Variants in SLIT2 observed in about 807,000 individuals in gnomAD.
SLIT2 encodes slit guidance ligand 2, also known as slit homolog 2 protein.
Under a neutral mutation model 185.7 loss-of-function variants are expected in SLIT2, and 41 were observed. That is an observed-to-expected ratio of 0.22 (90% CI 0.17 to 0.29). SLIT2 has a LOEUF of 0.29. Ranked by LOEUF, SLIT2 falls within the 10% of genes least tolerant of loss-of-function variation. The probability of loss-of-function intolerance (pLI) is 1.00; values close to 1 mark genes in which losing one functional copy is unlikely to be tolerated. For synonymous variants in SLIT2, 693 were observed against 680.2 expected (o/e 1.02, Z -0.29); for missense variants, 1,571 against 1,909.0 (o/e 0.82, Z 3.30).
chr4:20,359,940 A>G (rs546359134), intron 4 of SLIT2, among the ~76,000 whole-genome samples: 2 of 152,122 alleles, frequency 1.3e-5, no homozygotes, highest in African/African-American at 4.8e-5. Context: ...AATGCATTTT[A>G]GAGAAGATGT....
At position 20,591,734 on chromosome 4, in the gene SLIT2, T is replaced by G. The variant is rs1727534200; in HGVS notation, c.3182+1997T>G. ...CACTTACATAATAAATATCATTTCT[T>G]AGAGAAATTAGCTAGTAAGGAAAGT... On this transcript the variant is annotated intron_variant, in intron 30 of 36. Transcript: ENST00000504154. Among the ~76,000 whole-genome samples, 8 of 151,968 alleles carry G rather than the reference T, an allele frequency of 5.3e-5. 1 individual carries two copies. In the South Asian group the frequency reaches 1.7e-3, roughly 32 times the overall value.
intron 4 of SLIT2, among the ~76,000 whole-genome samples, chr4:20,293,813 C>T (rs529698438): frequency 3.9e-4 from 60 of 152,254 alleles, no homozygotes; most frequent in African/African-American, 1.3e-3. Context: ...TTGCCTGGCC[C>T]GTGGAGAGAG....
rs1467611506 is a variant in SLIT2, at chr4:20,528,409, AT to A, written c.1463-539del. On this transcript the variant is annotated intron_variant, in intron 15 of 36. Transcript: ENST00000504154. This position sits in a 1 kb window ranked among gnomAD's most constrained non-coding sequence, Gnocchi z 4.2. ...AGCATGACAAGCTGCTGAGGCTTAA[AT>A]CAGGATTTTCCTGTCTCTTTCTACA... 3.8e-6 allele frequency: 2 copies of A among 522,502 alleles called. No homozygotes were observed. The highest frequency in any genetic ancestry group is 7.9e-6 in the Non-Finnish European group (2 of 253,276). 32.4% of individuals were successfully genotyped at this position (522,502 alleles called of 1,614,324 possible). A position where few individuals can be genotyped will look rare whatever the true frequency, so the allele number is the denominator to read the frequency against.
chr4:20,441,428 T>C (rs1373874502), intron 4 of SLIT2, among the ~76,000 whole-genome samples: 1 of 151,984 alleles, frequency 6.6e-6, no homozygotes, highest in Non-Finnish European at 1.5e-5. Flanking sequence ...GCCCCCAGTG[T>C]GGATTTGCTG....
chr4:20,302,081 A>G (rs1577394804), intron 4 of SLIT2, among the ~76,000 whole-genome samples: 1 of 152,262 alleles, frequency 6.6e-6, no homozygotes, highest in African/African-American at 2.4e-5. Flanking sequence ...TGACAAAAAT[A>G]GAACTAGAGA....
At chr4:20,559,357 C>A (rs534700703) in intron 26 of SLIT2, among the ~76,000 whole-genome samples, 1 of 151,912 alleles carries the variant, frequency 6.6e-6, no homozygotes, top group Non-Finnish European at 1.5e-5. Flanking sequence ...GTTGCAGTTG[C>A]GTTTAGAAGA....
intron 29 of SLIT2, among the ~76,000 whole-genome samples, chr4:20,572,245 C>G (rs2148921236): frequency 6.6e-6 from 1 of 152,316 alleles, no homozygotes; most frequent in African/African-American, 2.4e-5. Flanking sequence ...CTCCAGTTAT[C>G]ATCTGTGCTT....
chr4:20,511,594 T>TTTTTTATTTTTTTTA (rs1577822250), intron 11 of SLIT2, among the ~76,000 whole-genome samples: 1 of 115,550 alleles, frequency 8.7e-6, no homozygotes, highest in East Asian at 2.5e-4. Context: ...CTAATTTTTT[T>TTTTTTATTTTTTTTA]TTTTTTTTTA....
chr4:20,578,292 A>G (rs1449075306), intron 29 of SLIT2, among the ~76,000 whole-genome samples: 1 of 152,140 alleles, frequency 6.6e-6, no homozygotes, highest in Admixed American at 6.5e-5. Flanking sequence ...CAAGTAGTGT[A>G]CTTTTAAGAA....
At chr4:20,506,929 T>TA (rs1719261176) in intron 9 of SLIT2, among the ~76,000 whole-genome samples, 2 of 151,998 alleles carry the variant, frequency 1.3e-5, no homozygotes, top group Admixed American at 1.3e-4. Flanking sequence ...AATAACAACA[T>TA]AAACTCTGTT....
Position 20,619,079 on chromosome 4 carries a change from TTC to T in SLIT2, c.*71_*72del, listed in dbSNP as rs1436504578. 4.9e-6 allele frequency: 7 copies of T among 1,430,062 alleles called. No homozygotes were observed. The African/African-American group carries it at 9.9e-5, about 20-fold the overall frequency. The allele number at this position is 1,430,062 out of a possible 1,614,324, so 88.6% of individuals were successfully genotyped here. A position where few individuals can be genotyped will look rare whatever the true frequency, so the allele number is the denominator to read the frequency against. ...TTGACCGTGTGGGACTAATGAATGC[TTC>T]ATAGTGGAAATATTTGAAATATATT... On this transcript the variant is annotated 3_prime_UTR_variant, in exon 37 of 37. Transcript: ENST00000504154.
At chr4:20,296,303 G>A (rs981212255) in intron 4 of SLIT2, among the ~76,000 whole-genome samples, 16 of 152,020 alleles carry the variant, frequency 1.1e-4, no homozygotes, top group Non-Finnish European at 2.4e-4. Flanking sequence ...AAAAAATAAA[G>A]CAATGATCTG....
intron 4 of SLIT2, among the ~76,000 whole-genome samples, chr4:20,348,692 A>C (rs1023369200): frequency 6.6e-6 from 1 of 152,200 alleles, no homozygotes; most frequent in African/African-American, 2.4e-5. Context: ...CTGTAATCCC[A>C]GGTGACTGGA....
In SLIT2 at chr4:20,332,216, A is replaced by C. The variant is rs993270608; in HGVS notation, c.395+63335A>C. Among the ~76,000 whole-genome samples the C allele has an allele frequency of 3.3e-5, 5 of 152,252 alleles. No homozygotes were observed. The East Asian group carries it at 5.8e-4, about 18-fold the overall frequency. On this transcript the variant is annotated intron_variant, in intron 4 of 36. Transcript: ENST00000504154. Reference sequence around the variant, plus strand: ...TTTGTACACACACATACACACACACACCCACACTTTTGCCTAATTGCCCTG... The same window carrying C: ...TTTGTACACACACATACACACACACCCCCACACTTTTGCCTAATTGCCCTG...
rs373276472 is a variant in SLIT2 at position 20,527,683 on chromosome 4, A to G, written c.1463-1266A>G. Among the ~76,000 whole-genome samples the G allele has an allele frequency of 3.9e-5, 6 of 152,346 alleles. No homozygotes were observed. The East Asian group carries it at 7.7e-4, about 20-fold the overall frequency. ...TGAGACCACCGTGCTTCAAAATATT[A>G]TTTATAAAATTTTACAAAGCATGAC... is the stretch of plus-strand genomic sequence containing the variant. On this transcript the variant is annotated intron_variant, in intron 15 of 36. Coordinates refer to ENST00000504154, the MANE Select transcript of SLIT2 (RefSeq NM_004787.4).
chr4:20,290,602 T>C (rs1310263173), intron 4 of SLIT2, among the ~76,000 whole-genome samples: 1 of 152,162 alleles, frequency 6.6e-6, no homozygotes, highest in Non-Finnish European at 1.5e-5. Flanking sequence ...ATTTGTGTGA[T>C]TACTTATGAA....
intron 4 of SLIT2, among the ~76,000 whole-genome samples, chr4:20,410,729 G>A (rs1193839545): frequency 5.3e-5 from 8 of 151,996 alleles, no homozygotes; most frequent in Non-Finnish European, 1.5e-5. Context: ...ATGGTTGTAG[G>A]TGTGCAGTCT....
chr4:20,253,745 G>T lies in SLIT2; in HGVS notation c.-71G>T. ...CGCCGGGCACTGGGCCTCAGACACT[G>T]CGCGGTTCCCTCGGAGCAGCAAGCT... is the stretch of plus-strand genomic sequence containing the variant. On this transcript the variant is annotated 5_prime_UTR_variant, in exon 1 of 37. Transcript: ENST00000504154. The T allele has an allele frequency of 6.4e-7, 1 of 1,558,782 alleles. No homozygotes were observed. Among genetic ancestry groups the T allele is most frequent in the Non-Finnish European group, 8.7e-7 (1 of 1,154,940 alleles).
At chr4:20,297,911 A>C (rs557580468) in intron 4 of SLIT2, among the ~76,000 whole-genome samples, 1 of 152,234 alleles carries the variant, frequency 6.6e-6, no homozygotes, top group South Asian at 2.1e-4. Context: ...TAGTACTTGG[A>C]ACATGTTTTC....
Sources: allele counts gnomAD v4.1 joint callset (sites outside exome capture counted in the v4.1 genomes callset), GRCh38; gene constraint gnomAD v4.1.1; non-coding constraint Gnocchi (gnomAD v3.1); transcripts MANE v1.5; gene names NCBI Gene and HGNC (gene_info 2026-07-23, HGNC 2026-07-21).